Variants in SLC16A5 observed in about 807,000 individuals in gnomAD.
SLC16A5 encodes the protein solute carrier family 16 member 5.
Under a neutral mutation model 33.2 loss-of-function variants are expected in SLC16A5, and 29 were observed. That is an observed-to-expected ratio of 0.87 (90% CI 0.65 to 1.19). The LOEUF (loss-of-function observed/expected upper bound fraction) is 1.19. Ranked by LOEUF, SLC16A5 falls within the 50% of genes most tolerant of loss-of-function variation. The pLI, the probability that SLC16A5 is intolerant of heterozygous loss-of-function variation, is 0.00. For synonymous variants in SLC16A5, 248 were observed against 284.1 expected, an observed-to-expected ratio of 0.87 and a Z score of 1.28; for missense variants, 606 against 678.2, an observed-to-expected ratio of 0.89 and a Z score of 1.18.
At chr17:75,109,998 C>CGCCAGT (rs2073894732), downstream of SLC16A5, 1 of 351,766 alleles carries the variant, frequency 2.8e-6, no homozygotes, top group African/African-American at 2.1e-5. The surrounding 1 kb of genome is among the most constrained non-coding windows in gnomAD (Gnocchi z 5.0). Flanking sequence ...GGGGACGGTG[C>CGCCAGT]GCCAGTGCCC....
chr17:75,095,806 C>T (rs1312299306), intron 3 of SLC16A5, among the ~76,000 whole-genome samples: 3 of 149,622 alleles, frequency 2.0e-5, no homozygotes, highest in South Asian at 2.1e-4. Context: ...ACTACAGGTG[C>T]GCACCACCAT....
In SLC16A5 at chr17:75,093,749, T is replaced by C; in HGVS notation, c.113T>C (p.Phe38Ser). Residue 38 changes from phenylalanine to serine, a missense_variant, in exon 3 of 7, where the codon TTC becomes TCC. Transcript: ENST00000329783. ...TTCCCCACGTGTATCGGCATCTTCT[T>C]CACTGAATTGCAATGGGAGTTCCAG... Reference protein sequence around the residue: ...LGFPTCIGIFFTELQWEFQAS... With the variant: ...LGFPTCIGIFSTELQWEFQAS... 1 of 1,614,140 alleles carries C rather than the reference T, an allele frequency of 6.2e-7. No homozygotes were observed. The highest frequency in any genetic ancestry group is 8.5e-7 in the Non-Finnish European group (1 of 1,179,986).
chr17:75,100,712 T>TC lies in SLC16A5; in HGVS notation c.1051dup (p.Gln351ProfsTer45). The TC allele has an allele frequency of 6.2e-7, 1 of 1,614,196 alleles. No homozygotes were observed. Among genetic ancestry groups the TC allele is most frequent in the Non-Finnish European group, 8.5e-7 (1 of 1,180,044 alleles). ...ATGAGTGGCATCGGCGCCCTCATCT[T>TC]CCAGGTTCTCATGGACATCGTCCCC... On this transcript the variant is annotated frameshift_variant, in exon 5 of 7. Coordinates refer to ENST00000329783, the MANE Select transcript of SLC16A5 (RefSeq NM_004695.4). LOFTEE classifies it high-confidence loss of function.
intron 3 of SLC16A5, among the ~76,000 whole-genome samples, chr17:75,097,692 G>GC (rs1459379185): frequency 6.6e-6 from 1 of 152,168 alleles, no homozygotes; most frequent in African/African-American, 2.4e-5. Context: ...GCGAAGTGGG[G>GC]GAGGTAAACT....
At chr17:75,092,781 TTGTG>T (rs1039524392) in intron 2 of SLC16A5, among the ~76,000 whole-genome samples, 2 of 150,916 alleles carry the variant, frequency 1.3e-5, no homozygotes, top group African/African-American at 4.9e-5. Context: ...GTGACTGTGT[TTGTG>T]TGTGACTGGG....
intron 5 of SLC16A5, among the ~76,000 whole-genome samples, chr17:75,102,657 C>T (rs769282224): frequency 7.2e-5 from 11 of 152,126 alleles, no homozygotes; most frequent in Non-Finnish European, 1.5e-4. Context: ...AGAGTAGATC[C>T]GGGAGGTTGA....
downstream of SLC16A5, among the ~76,000 whole-genome samples, chr17:75,107,945 A>T (rs1448655273): frequency 6.6e-6 from 1 of 152,002 alleles, no homozygotes; most frequent in African/African-American, 2.4e-5. Flanking sequence ...TCAGAAAAAA[A>T]ATACAAAAAT....
intron 5 of SLC16A5, among the ~76,000 whole-genome samples, chr17:75,102,796 G>C (rs1360535279): frequency 1.3e-5 from 2 of 151,652 alleles, no homozygotes; most frequent in Non-Finnish European, 2.9e-5. Flanking sequence ...GCAATGGTGT[G>C]ATCTCAGCTC....
chr17:75,099,973 C>T (rs771181837), intron 4 of SLC16A5, 34 bp from the exon 5 acceptor site: 20 of 1,575,250 alleles, frequency 1.3e-5, no homozygotes, highest in Admixed American at 1.0e-4. Context: ...GGCCCCAGTG[C>T]GCCTCCAGGC....
chr17:75,093,584 C>CG lies in SLC16A5; in HGVS notation c.-48-5_-48-4insG, dbSNP rs747156555. On this transcript the variant is annotated splice_polypyrimidine_tract_variant and splice_region_variant and intron_variant, in intron 2 of 6. Coordinates refer to ENST00000329783, the MANE Select transcript of SLC16A5 (RefSeq NM_004695.4). ...CCACCAGGCTCCATTCTGTCCCCTC[C>CG]CCAGGCAGCAGCCACATTGGCAGTG... 1.3e-6 allele frequency: 2 copies of CG among 1,572,928 alleles called. No individual in the cohort carries two copies. The highest frequency in any genetic ancestry group is 1.3e-5 in the African/African-American group (1 of 74,290).
downstream of SLC16A5, among the ~76,000 whole-genome samples, chr17:75,107,666 C>T (rs1003356060): frequency 9.2e-5 from 14 of 152,160 alleles, no homozygotes; most frequent in Non-Finnish European, 1.9e-4. Context: ...AGGCCGGGCG[C>T]AGTGGCTCAC....
In SLC16A5 at chr17:75,100,495, T is replaced by C; in HGVS notation, c.832T>C (p.Ser278Pro). The C allele has an allele frequency of 6.2e-7, 1 of 1,614,160 alleles. No individual in the cohort carries two copies. Among genetic ancestry groups the C allele is most frequent in the East Asian group, 2.2e-5 (1 of 44,882 alleles). The change falls in exon 5 of 7, where the codon TCC becomes CCC. Residue 278 changes from serine (S) to proline (P), a missense_variant. Ser to Pro is a moderately conservative substitution (Grantham distance 74, BLOSUM62 -1). Transcript: ENST00000329783. The part of the protein sequence containing the change: ...VDEQQAALLI[S>P]IIGFSNIFLR... Reference sequence around the variant, plus strand: ...CGAGCAGCAGGCAGCCCTCCTCATCTCCATCATCGGCTTCAGCAACATCTT... The same window carrying C: ...CGAGCAGCAGGCAGCCCTCCTCATCCCCATCATCGGCTTCAGCAACATCTT...
Position 75,089,730 on chromosome 17 carries a change from G to A in SLC16A5, c.-49+426G>A, listed in dbSNP as rs1287749121. 4 of 148,598 alleles carry A rather than the reference G, an allele frequency of 2.7e-5. No individual in the cohort carries two copies. The Admixed American group carries it at 2.7e-4, about 10-fold the overall frequency. 9.2% of individuals were successfully genotyped at this position (148,598 alleles called of 1,614,324 possible). A position where few individuals can be genotyped will look rare whatever the true frequency, so the allele number is the denominator to read the frequency against. On this transcript the variant is annotated intron_variant, in intron 2 of 6. Coordinates refer to ENST00000329783, the MANE Select transcript of SLC16A5 (RefSeq NM_004695.4). Reference sequence around the variant, plus strand: ...GATTGTACCACTGCACTCTAGCCTGGGAGACAGAGCGAAACTTCATCTCAG... The same window carrying A: ...GATTGTACCACTGCACTCTAGCCTGAGAGACAGAGCGAAACTTCATCTCAG...
At chr17:75,104,891 C>T (rs906200980) in intron 6 of SLC16A5, 10 of 985,456 alleles carry the variant, frequency 1.0e-5, no homozygotes, top group Non-Finnish European at 1.2e-5. Context: ...GCGCAGCTGG[C>T]TGTGTGTTGC....
intron 3 of SLC16A5, among the ~76,000 whole-genome samples, chr17:75,094,843 C>G (rs1056870617): frequency 4.6e-5 from 7 of 152,186 alleles, no homozygotes; most frequent in African/African-American, 1.4e-4. Flanking sequence ...GCCTCAGAGG[C>G]CCATGTTCCT....
downstream of SLC16A5, among the ~76,000 whole-genome samples, chr17:75,109,653 G>A (rs1406315345): frequency 6.6e-6 from 1 of 152,240 alleles, no homozygotes; most frequent in African/African-American, 2.4e-5. This position sits in a 1 kb window ranked among gnomAD's most constrained non-coding sequence, Gnocchi z 5.0. Context: ...GAGTGGGAAA[G>A]GTGGGGCGGG....
At chr17:75,107,754 C>A (rs553634955), downstream of SLC16A5, among the ~76,000 whole-genome samples, 2 of 152,150 alleles carry the variant, frequency 1.3e-5, no homozygotes, top group Admixed American at 1.3e-4. Context: ...CTGGCTAACA[C>A]GGTGAAACCT....
intron 6 of SLC16A5, chr17:75,104,709 C>T (rs977317285): frequency 3.2e-6 from 3 of 952,064 alleles, no homozygotes; most frequent in South Asian, 4.8e-5. Flanking sequence ...CTCAGCCTCC[C>T]AAAGTGCTGG....
At chr17:75,092,025 G>GT (rs2073643695) in intron 2 of SLC16A5, among the ~76,000 whole-genome samples, 4 of 99,954 alleles carry the variant, frequency 4.0e-5, no homozygotes, top group Non-Finnish European at 9.3e-5. Flanking sequence ...AAGATGTGAG[G>GT]GGGGTGTGTG....
Sources: gnomAD v4.1 joint callset for allele counts (sites outside exome capture counted in the v4.1 genomes callset) on GRCh38, gnomAD v4.1.1 for gene constraint, Gnocchi (gnomAD v3.1) non-coding constraint, MANE v1.5 for transcripts, NCBI Gene and HGNC (gene_info 2026-07-23, HGNC 2026-07-21) for gene names.